FRMPD4: variants seen among roughly 807,000 people sequenced by gnomAD.
FRMPD4 encodes the protein FERM and PDZ domain containing 4.
In FRMPD4, 22 loss-of-function variants were observed where a neutral mutation model predicts 94.1. That is an observed-to-expected ratio of 0.23 (90% CI 0.17 to 0.33). FRMPD4 has a LOEUF of 0.33. FRMPD4 is among the 10% of genes least tolerant of loss of function. The probability of loss-of-function intolerance (pLI) is 1.00; values close to 1 mark genes in which losing one functional copy is unlikely to be tolerated. For missense variants in FRMPD4, 1,111 were observed against 1,339.9 expected (o/e 0.83, Z 2.67); for synonymous variants, 631 against 548.6 (o/e 1.15, Z -2.10).
chrX:12,374,442 C>A (rs1242251951), intron 1 of FRMPD4, among the ~76,000 whole-genome samples: 2 of 112,149 alleles, frequency 1.8e-5, no homozygotes, highest in Admixed American at 1.9e-4. Context: ...CCAGGCCCCT[C>A]ACTGCCTGGC....
At chrX:12,323,060 TTC>T (rs2055233731) in intron 1 of FRMPD4, among the ~76,000 whole-genome samples, 1 of 111,838 alleles carries the variant, frequency 8.9e-6, no homozygotes, top group African/African-American at 3.2e-5. Context: ...TGGTATTTAT[TTC>T]TGAGTATGGG....
At chrX:12,720,049 G>GGAAAGAAAGAAAGAAAGAAAGAAA (rs199713463) in intron 16 of FRMPD4, among the ~76,000 whole-genome samples, 9 of 39,576 alleles carry the variant, frequency 2.3e-4, no homozygotes, top group African/African-American at 8.5e-4. Context: ...GGAAAGGAAA[G>GGAAAGAAAGAAAGAAAGAAAGAAA]GAAAGAAAGA....
intron 1 of FRMPD4, among the ~76,000 whole-genome samples, chrX:12,411,634 T>C (rs184918312): frequency 2.1e-4 from 23 of 112,180 alleles, no homozygotes; most frequent in African/African-American, 7.4e-4. Context: ...TTAAAGATGC[T>C]AAAGCGTGGG....
intron 2 of FRMPD4, among the ~76,000 whole-genome samples, chrX:12,586,987 T>C (rs910210400): frequency 9.1e-6 from 1 of 110,376 alleles, no homozygotes; most frequent in African/African-American, 3.3e-5. Flanking sequence ...TTTTTTGTTT[T>C]TTTTTTTGAG....
At chrX:12,619,720 C>G (rs1408262209) in intron 4 of FRMPD4, among the ~76,000 whole-genome samples, 1 of 112,305 alleles carries the variant, frequency 8.9e-6, no homozygotes, top group East Asian at 2.8e-4. Context: ...ACCTTGGCCC[C>G]AGTTGTGGAC....
chrX:12,262,348 G>A (rs1393060884), intron 1 of FRMPD4, among the ~76,000 whole-genome samples: 2 of 111,700 alleles, frequency 1.8e-5, no homozygotes, highest in Non-Finnish European at 3.8e-5. Flanking sequence ...GGCCTAAAGT[G>A]ATCCTCCTGC....
rs73497318 is a variant in FRMPD4 at position 11,894,137 on chromosome X, G to A, written c.95+16119G>A. ...TGTGATCTTCCCTTCCTGACCACCTGCACTCTGAACATTGGACTTGATAAG... is the reference window on the plus strand; with the variant it reads ...TGTGATCTTCCCTTCCTGACCACCTACACTCTGAACATTGGACTTGATAAG... On this transcript the variant is annotated intron_variant, in intron 3 of 18. Transcript: ENST00000640291. 3.9e-3 allele frequency among the ~76,000 whole-genome samples: 431 copies of A among 111,697 alleles called. 3 individuals carry two copies. Among genetic ancestry groups the A allele is most frequent in the African/African-American group, 0.013 (408 of 30,741 alleles).
intron 1 of FRMPD4, among the ~76,000 whole-genome samples, chrX:12,205,105 A>C (rs1282048635): frequency 1.8e-5 from 2 of 110,012 alleles, no homozygotes; most frequent in Non-Finnish European, 3.8e-5. Flanking sequence ...AAAAAAAAAA[A>C]AAAAGGCTTT....
chrX:11,955,691 G>A (rs1046595184), intron 3 of FRMPD4, among the ~76,000 whole-genome samples: 2 of 104,579 alleles, frequency 1.9e-5, no homozygotes, highest in East Asian at 3.0e-4. Flanking sequence ...GCAGTGAGCC[G>A]AGATTGCACC....
intron 2 of FRMPD4, among the ~76,000 whole-genome samples, chrX:12,564,952 G>A (rs1342031138): frequency 2.7e-5 from 3 of 110,624 alleles, no homozygotes; most frequent in African/African-American, 9.9e-5. Flanking sequence ...CGGGCGTGGT[G>A]GCGGGTGCCT....
chrX:12,200,489 A>T (rs183701123), intron 1 of FRMPD4, among the ~76,000 whole-genome samples: 6 of 111,353 alleles, frequency 5.4e-5, no homozygotes, highest in African/African-American at 1.6e-4. Flanking sequence ...TTTATTTTTT[A>T]AAATTTTAAA....
chrX:12,213,843 C>A (rs1001089876), intron 1 of FRMPD4, among the ~76,000 whole-genome samples: 1 of 112,167 alleles, frequency 8.9e-6, no homozygotes, highest in East Asian at 2.8e-4. Context: ...ATTTATGAAG[C>A]TGGAAATGTT....
intron 1 of FRMPD4, among the ~76,000 whole-genome samples, chrX:12,163,464 A>T: frequency 2.4e-5 from 1 of 41,485 alleles, no homozygotes; most frequent in Non-Finnish European, 3.6e-5. Context: ...ACCCTTTGTA[A>T]AAAAAAAAAA....
At chrX:11,840,149 T>A (rs1274836935) in intron 1 of FRMPD4, among the ~76,000 whole-genome samples, 1 of 111,550 alleles carries the variant, frequency 9.0e-6, no homozygotes, top group Admixed American at 9.6e-5. Flanking sequence ...AATCTGTAGA[T>A]CAGTTTGGGG....
At chrX:12,616,703 G>A (rs1196038265) in intron 4 of FRMPD4, among the ~76,000 whole-genome samples, 1 of 112,529 alleles carries the variant, frequency 8.9e-6, no homozygotes, top group Non-Finnish European at 1.9e-5. Flanking sequence ...GTGTTCATCT[G>A]GAATAACTTC....
chrX:12,033,636 G>A (rs2054703967), intron 3 of FRMPD4, among the ~76,000 whole-genome samples: 2 of 111,869 alleles, frequency 1.8e-5, no homozygotes, highest in African/African-American at 6.5e-5. Context: ...GTGGGAAGAG[G>A]AGGGTTGTAC....
chrX:12,539,509 A>G (rs190604167), intron 2 of FRMPD4, among the ~76,000 whole-genome samples: 5 of 112,358 alleles, frequency 4.5e-5, no homozygotes, highest in Admixed American at 9.4e-5. Flanking sequence ...AGTTGAAATG[A>G]AGGAAAAAAT....
chrX:12,369,416 T>C (rs1172495883), intron 1 of FRMPD4, among the ~76,000 whole-genome samples: 1 of 111,587 alleles, frequency 9.0e-6, no homozygotes, highest in Non-Finnish European at 1.9e-5. Context: ...TTAAATGCAA[T>C]ACATGTATAT....
chrX:12,512,898 T>G (rs1166672012), intron 2 of FRMPD4, among the ~76,000 whole-genome samples: 1 of 112,497 alleles, frequency 8.9e-6, no homozygotes, highest in Non-Finnish European at 1.9e-5. Flanking sequence ...TCTAGACTTT[T>G]TAATAATTAC....
Sources: allele counts gnomAD v4.1 joint callset (sites outside exome capture counted in the v4.1 genomes callset), GRCh38; gene constraint gnomAD v4.1.1; transcripts MANE v1.5; gene names NCBI Gene and HGNC (gene_info 2026-07-23, HGNC 2026-07-21).